SND1: variants seen among roughly 807,000 people sequenced by gnomAD.
The protein encoded by SND1 is staphylococcal nuclease and tudor domain containing 1.
In SND1, 38 loss-of-function variants were observed where a neutral mutation model predicts 121.7. That is an observed-to-expected ratio of 0.31 (90% CI 0.24 to 0.41). The LOEUF is 0.41. SND1 is among the 10% of genes least tolerant of loss of function. The probability of loss-of-function intolerance (pLI) is 1.00; values close to 1 mark genes in which losing one functional copy is unlikely to be tolerated. For synonymous variants in SND1, 401 were observed against 447.4 expected, an observed-to-expected ratio of 0.90 and a Z score of 1.31; for missense variants, 868 against 1,184.6, an observed-to-expected ratio of 0.73 and a Z score of 3.92.
At chr7:127,847,509 A>G (rs760900538) in intron 12 of SND1, among the ~76,000 whole-genome samples, 6 of 152,212 alleles carry the variant, frequency 3.9e-5, no homozygotes, top group Non-Finnish European at 8.8e-5. Context: ...ATATTTTTAA[A>G]TCTTTGCTGT....
rs1209876293 is a variant in SND1 at position 127,994,567 on chromosome 7, AAAAAAAAAAAAAAAAAAAC to A, written c.1779+3513_1779+3531del. 4.7e-5 allele frequency among the ~76,000 whole-genome samples: 7 copies of A among 148,870 alleles called. No homozygotes were observed. In the East Asian group the frequency reaches 1.4e-3, roughly 29 times the overall value. On this transcript the variant is annotated intron_variant, in intron 16 of 23. Transcript: ENST00000354725. ...TTTTACTCAAAAAAAAAAAAAAAAA[AAAAAAAAAAAAAAAAAAAC>A]AGTAAATTCAGTCTTTCTTTCTAGC... is the stretch of plus-strand genomic sequence containing the variant.
intron 15 of SND1, among the ~76,000 whole-genome samples, chr7:127,952,519 A>G (rs1801483729): frequency 6.6e-6 from 1 of 151,272 alleles, no homozygotes; most frequent in Admixed American, 6.6e-5. Flanking sequence ...AAAATTAGGA[A>G]CTCTGAGCTT....
chr7:127,704,736 G>C, intron 7 of SND1, 103 bp from the exon 8 acceptor site: 1 of 929,808 alleles, frequency 1.1e-6, no homozygotes, highest in South Asian at 1.4e-5. Context: ...ACAAACTGCA[G>C]ACTAGTTTGT....
intron 16 of SND1, among the ~76,000 whole-genome samples, chr7:128,068,144 A>G (rs1244352581): frequency 1.3e-5 from 2 of 152,112 alleles, no homozygotes; most frequent in South Asian, 4.2e-4. Flanking sequence ...AAGGACAGAC[A>G]CAGCTAAATC....
chr7:127,790,207 G>T (rs1018781510), intron 10 of SND1, among the ~76,000 whole-genome samples: 1 of 152,156 alleles, frequency 6.6e-6, no homozygotes, highest in Non-Finnish European at 1.5e-5. Context: ...CAGCATCCTT[G>T]TCATCGAGTG....
intron 15 of SND1, among the ~76,000 whole-genome samples, chr7:127,977,844 A>T (rs1409230121): frequency 6.6e-6 from 1 of 152,152 alleles, no homozygotes; most frequent in South Asian, 2.1e-4. Flanking sequence ...GGTTATGTGG[A>T]TAGAGTAGGG....
chr7:127,662,607 T>C (rs1795334148), intron 1 of SND1, among the ~76,000 whole-genome samples: 1 of 152,112 alleles, frequency 6.6e-6, no homozygotes, highest in African/African-American at 2.4e-5. Flanking sequence ...TTCTTACAGG[T>C]GTCATGTTAG....
chr7:127,782,350 G>A (rs560216191), intron 10 of SND1, among the ~76,000 whole-genome samples: 2 of 152,166 alleles, frequency 1.3e-5, no homozygotes, highest in East Asian at 1.9e-4. Flanking sequence ...AGCAGTCCTG[G>A]GGTCCTGCAT....
chr7:128,078,273 C>T (rs1448231548), intron 17 of SND1, among the ~76,000 whole-genome samples: 1 of 152,256 alleles, frequency 6.6e-6, no homozygotes, highest in Non-Finnish European at 1.5e-5. Context: ...AACAGCTGGT[C>T]ACCTCCATCC....
At chr7:127,688,548 CAA>C (rs56962684) in intron 2 of SND1, among the ~76,000 whole-genome samples, 17 of 71,136 alleles carry the variant, frequency 2.4e-4, no homozygotes, top group South Asian at 4.2e-4. Context: ...GATCCCATCT[CAA>C]AAAAAAAAAA....
chr7:127,975,885 G>C (rs553626302), intron 15 of SND1, among the ~76,000 whole-genome samples: 1 of 152,178 alleles, frequency 6.6e-6, no homozygotes, highest in African/African-American at 2.4e-5. Context: ...AGGCAGGTCC[G>C]GCTCCATTCA....
intron 12 of SND1, among the ~76,000 whole-genome samples, chr7:127,885,865 G>A (rs888236908): frequency 5.9e-5 from 9 of 152,024 alleles, no homozygotes; most frequent in African/African-American, 1.7e-4. Flanking sequence ...ATTTAAAACA[G>A]CCAGGACATC....
chr7:127,934,980 G>T (rs1026355392), intron 15 of SND1, among the ~76,000 whole-genome samples: 1 of 152,184 alleles, frequency 6.6e-6, no homozygotes, highest in African/African-American at 2.4e-5. Flanking sequence ...CATTCTTCTG[G>T]AAGCCAAGGG....
At chr7:127,969,583 G>C (rs1422136908) in intron 15 of SND1, among the ~76,000 whole-genome samples, 1 of 152,144 alleles carries the variant, frequency 6.6e-6, no homozygotes, top group Non-Finnish European at 1.5e-5. Flanking sequence ...AATTAGCCAG[G>C]CATGGTGGCG....
rs541702682 is a variant in SND1, at chr7:128,081,248, G to A, written c.1969-112G>A. 5.8e-5 allele frequency: 76 copies of A among 1,321,602 alleles called. 2 individuals are homozygous for A. In the East Asian group the frequency reaches 8.9e-4, roughly 15 times the overall value. 81.9% of individuals were successfully genotyped at this position (1,321,602 alleles called of 1,614,324 possible). A position where few individuals can be genotyped will look rare whatever the true frequency, so the allele number is the denominator to read the frequency against. ...CCTAACCTCGTGATCCACCCGCCTC[G>A]GCCTCCCAAAGTGCTGGGATTACAG... is the stretch of plus-strand genomic sequence containing the variant. On this transcript the variant is annotated intron_variant, in intron 17 of 23. Transcript: ENST00000354725.
intron 11 of SND1, among the ~76,000 whole-genome samples, chr7:127,820,409 A>C (rs571419022): frequency 6.6e-6 from 1 of 152,328 alleles, no homozygotes; most frequent in South Asian, 2.1e-4. Context: ...GTTTGGAAGC[A>C]AAGCAGCATG....
intron 1 of SND1, among the ~76,000 whole-genome samples, chr7:127,672,508 G>A (rs563140891): frequency 5.3e-5 from 8 of 152,028 alleles, no homozygotes; most frequent in Non-Finnish European, 7.4e-5. Flanking sequence ...TACTACTCGG[G>A]GGGCTGAGAC....
chr7:127,873,095 A>C (rs1799628239), intron 12 of SND1, among the ~76,000 whole-genome samples: 1 of 152,144 alleles, frequency 6.6e-6, no homozygotes, highest in Non-Finnish European at 1.5e-5. Flanking sequence ...GGATATTTCT[A>C]AACTTGATTT....
intron 10 of SND1, among the ~76,000 whole-genome samples, chr7:127,776,876 A>G (rs535285523): frequency 3.3e-5 from 5 of 152,322 alleles, no homozygotes; most frequent in South Asian, 2.1e-4. Flanking sequence ...TTTAACTGCA[A>G]CTCAGAACAG....
Sources: gnomAD v4.1 joint callset for allele counts (sites outside exome capture counted in the v4.1 genomes callset) on GRCh38, gnomAD v4.1.1 for gene constraint, MANE v1.5 for transcripts, NCBI Gene and HGNC (gene_info 2026-07-23, HGNC 2026-07-21) for gene names.